ATOH8: variants seen among roughly 807,000 people sequenced by gnomAD.
ATOH8 encodes atonal bHLH transcription factor 8.
ATOH8 carries 9 observed loss-of-function variants against 21.2 expected under a neutral mutation model. That is an observed-to-expected ratio of 0.42 (90% CI 0.26 to 0.74). The LOEUF (loss-of-function observed/expected upper bound fraction) is 0.74, where lower values mean the gene tolerates loss of function less well. Among genes scored for constraint, ATOH8 ranks in the 30% least tolerant of loss-of-function variants. ATOH8 has a pLI of 0.24. For missense variants in ATOH8, 524 were observed against 470.9 expected (o/e 1.11, Z -1.04); for synonymous variants, 253 against 224.0 (o/e 1.13, Z -1.16).
intron 1 of ATOH8, among the ~76,000 whole-genome samples, chr2:85,758,912 A>G (rs906416335): frequency 1.1e-4 from 16 of 152,196 alleles, no homozygotes; most frequent in Admixed American, 1.0e-3. Flanking sequence ...CCAGAGTGGC[A>G]GGACCTTCTG....
chr2:85,779,500 C>G (rs1270542273), intron 2 of ATOH8, among the ~76,000 whole-genome samples: 2 of 152,252 alleles, frequency 1.3e-5, no homozygotes, highest in Non-Finnish European at 2.9e-5. Context: ...CCTCTAAGCT[C>G]TGGCCCTGGC....
At chr2:85,758,883 G>A (rs1679788238) in intron 1 of ATOH8, among the ~76,000 whole-genome samples, 1 of 152,252 alleles carries the variant, frequency 6.6e-6, no homozygotes. Context: ...CTGGCCTTGA[G>A]GGGTGGTGAG....
At chr2:85,758,732 G>T (rs891864036) in intron 1 of ATOH8, among the ~76,000 whole-genome samples, 1 of 152,228 alleles carries the variant, frequency 6.6e-6, no homozygotes, top group Non-Finnish European at 1.5e-5. Flanking sequence ...CAGGGCAGAT[G>T]GTCAGGCCCC....
At chr2:85,780,832 T>G in intron 2 of ATOH8, 10 of 972,284 alleles carry the variant, frequency 1.0e-5, no homozygotes, top group Non-Finnish European at 1.2e-5. Context: ...TATCCTCGAT[T>G]CATGCCATGT....
chr2:85,754,713 C>T lies in ATOH8; in HGVS notation c.524C>T (p.Pro175Leu), dbSNP rs755222197. 2 of 1,611,114 alleles carry T rather than the reference C, an allele frequency of 1.2e-6. No homozygotes were observed. The highest frequency in any genetic ancestry group is 1.3e-5 in the African/African-American group (1 of 75,006). The change falls in exon 1 of 3, where the codon CCG (proline) becomes CTG (leucine). Residue 175 changes from proline to leucine, a missense_variant. Physicochemically the swap from Pro to Leu is moderately conservative, Grantham distance 98. Transcript: ENST00000306279. The part of the protein sequence containing the change: ...PSAPPAPPAP[P>L]ESTVRPAPPT... ...GCACCCCCAGCACCGCCAGCGCCCC[C>T]GGAGTCCACTGTGCGCCCTGCGCCC...
intron 1 of ATOH8, among the ~76,000 whole-genome samples, chr2:85,755,965 A>G (rs72838680): frequency 8.0e-4 from 121 of 151,536 alleles, no homozygotes; most frequent in Non-Finnish European, 1.3e-3. Context: ...AATGTTGCTC[A>G]ACTTCTCTGG....
rs766810062 is a variant in ATOH8, at chr2:85,754,150, C to G, written c.-40C>G. 33 of 1,438,184 alleles carry G rather than the reference C, an allele frequency of 2.3e-5. No homozygotes were observed. In the South Asian group the frequency reaches 3.1e-4, roughly 14 times the overall value. The allele number at this position is 1,438,184 out of a possible 1,614,324, so 89.1% of individuals were successfully genotyped here. ...CTCGGCGCTGAGCGCGGCGGCGGCCCGGGCAGCCCCACGCCCCTGCCTCGC... is the reference window on the plus strand; with the variant it reads ...CTCGGCGCTGAGCGCGGCGGCGGCCGGGGCAGCCCCACGCCCCTGCCTCGC... On this transcript the variant is annotated 5_prime_UTR_variant, in exon 1 of 3. Transcript: ENST00000306279.
chr2:85,765,468 A>C (rs1679989169), intron 2 of ATOH8, among the ~76,000 whole-genome samples: 1 of 152,234 alleles, frequency 6.6e-6, no homozygotes, highest in Admixed American at 6.5e-5. Context: ...CCAATTAGAC[A>C]AAATCCTCAT....
At chr2:85,763,064 G>T (rs1432839843) in intron 1 of ATOH8, among the ~76,000 whole-genome samples, 1 of 152,102 alleles carries the variant, frequency 6.6e-6, no homozygotes, top group African/African-American at 2.4e-5. Flanking sequence ...TAAACCAGGA[G>T]CCATCGTTGC....
At chr2:85,763,821 C>CGTGTGTGTGTGT (rs61491730) in intron 1 of ATOH8, among the ~76,000 whole-genome samples, 170 bp from the exon 2 acceptor site, 11,116 of 143,704 alleles carry the variant, frequency 0.077, 551 homozygotes, top group East Asian at 0.15. Flanking sequence ...GATGAGCTGA[C>CGTGTGTGTGTGT]GTGTGTGTGT....
At chr2:85,764,707 G>C (rs750925135) in intron 2 of ATOH8, among the ~76,000 whole-genome samples, 65 of 152,302 alleles carry the variant, frequency 4.3e-4, no homozygotes, top group Non-Finnish European at 7.9e-4. Flanking sequence ...AGCATACTGG[G>C]CAGGGGTATA....
chr2:85,764,629 A>G (rs773808791), intron 2 of ATOH8, among the ~76,000 whole-genome samples: 4 of 152,172 alleles, frequency 2.6e-5, no homozygotes, highest in Non-Finnish European at 5.9e-5. Flanking sequence ...GAGGCTATGC[A>G]TTAAGGGCGG....
Position 85,754,081 on chromosome 2 carries a change from G to A in ATOH8, c.-109G>A. ...GCCCGGGGCGAGGGGGAGAAAGGGA[G>A]AGAGGGAGGGGGAGGGCGGGCGAAG... On this transcript the variant is annotated 5_prime_UTR_variant, in exon 1 of 3. Transcript: ENST00000306279. 7.7e-7 allele frequency: 1 copy of A among 1,290,692 alleles called. No individual in the cohort carries two copies. The highest frequency in any genetic ancestry group is 1.8e-5 in the South Asian group (1 of 56,136). 80.0% of individuals were successfully genotyped at this position (1,290,692 alleles called of 1,614,324 possible). A position where few individuals can be genotyped will look rare whatever the true frequency, so the allele number is the denominator to read the frequency against.
intron 1 of ATOH8, among the ~76,000 whole-genome samples, chr2:85,763,336 G>C (rs932855517): frequency 6.6e-6 from 1 of 152,164 alleles, no homozygotes; most frequent in Non-Finnish European, 1.5e-5. Flanking sequence ...ATTGACAAAC[G>C]TGTCAAGTTT....
chr2:85,771,816 G>A (rs566714541), intron 2 of ATOH8, among the ~76,000 whole-genome samples: 3 of 152,230 alleles, frequency 2.0e-5, no homozygotes, highest in East Asian at 1.9e-4. Flanking sequence ...TCTCTACCCC[G>A]TGTTATACTA....
intron 2 of ATOH8, chr2:85,775,186 G>A (rs763549665): frequency 2.4e-5 from 23 of 974,802 alleles, no homozygotes; most frequent in African/African-American, 1.6e-4. Flanking sequence ...ACACAGTGTT[G>A]GATTAAATGC....
At chr2:85,777,060 G>T (rs559595122) in intron 2 of ATOH8, among the ~76,000 whole-genome samples, 15 of 152,276 alleles carry the variant, frequency 9.9e-5, no homozygotes, top group African/African-American at 3.6e-4. Flanking sequence ...AAACATGAAG[G>T]GCCCTGCCCT....
chr2:85,778,098 C>T (rs1197668256), intron 2 of ATOH8, among the ~76,000 whole-genome samples: 1 of 152,234 alleles, frequency 6.6e-6, no homozygotes, highest in Non-Finnish European at 1.5e-5. Context: ...TTTAATCTTC[C>T]TGACAAGCTC....
At chr2:85,761,066 G>A (rs1287314429) in intron 1 of ATOH8, among the ~76,000 whole-genome samples, 1 of 152,210 alleles carries the variant, frequency 6.6e-6, no homozygotes, top group Non-Finnish European at 1.5e-5. Flanking sequence ...GGCACCAGGA[G>A]GATCTGGAAT....
Sources: allele counts gnomAD v4.1 joint callset (sites outside exome capture counted in the v4.1 genomes callset), GRCh38; gene constraint gnomAD v4.1.1; transcripts MANE v1.5; gene names NCBI Gene and HGNC (gene_info 2026-07-23, HGNC 2026-07-21).